The following LPAR6 variants were observed in gnomAD, a reference collection of about 807,000 sequenced individuals.
LPAR6 encodes the protein G-protein coupled purinergic receptor P2Y5.
LPAR6 carries 17 observed loss-of-function variants against 22.0 expected under a neutral mutation model. The observed-to-expected ratio is 0.77, with a 90% CI of 0.53 to 1.16. The LOEUF (loss-of-function observed/expected upper bound fraction) is 1.16. Among genes scored for constraint, LPAR6 ranks in the 50% most tolerant of loss-of-function variants. The pLI is 0.00. For missense variants in LPAR6, 384 were observed against 406.9 expected (o/e 0.94, Z 0.48); for synonymous variants, 136 against 139.8 (o/e 0.97, Z 0.19).
chr13:48,412,148 A>C lies in LPAR6; in HGVS notation c.276T>G (p.Ser92=). 7 of 1,614,014 alleles carry C rather than the reference A, an allele frequency of 4.3e-6. No individual in the cohort carries two copies. The highest frequency in any genetic ancestry group is 5.9e-6 in the Non-Finnish European group (7 of 1,179,976). Residue 92 remains serine (S), a synonymous_variant, in exon 1 of 1, where the codon TCT becomes TCG. Transcript: ENST00000620633. ...ACATGTTGGTATAAAACAGCATCAC[A>C]GAAATCTTACAAAGTAAATCTCCAA... ...WPFGDLLCKI[S]VMLFYTNMYG...
intron 1 of LPAR6, chr13:48,401,286 T>G (rs1164074974): frequency 6.6e-6 from 1 of 152,128 alleles, no homozygotes; most frequent in African/African-American, 2.4e-5. Flanking sequence ...AATTTTCAGT[T>G]TGTAAACTTA....
At chr13:48,395,946 T>A (rs1028105192) in intron 1 of LPAR6, among the ~76,000 whole-genome samples, 10 of 151,952 alleles carry the variant, frequency 6.6e-5, no homozygotes, top group Non-Finnish European at 1.5e-5. Context: ...TCACCAAGGT[T>A]GAAATGAAGG....
downstream of LPAR6, among the ~76,000 whole-genome samples, chr13:48,410,637 A>G (rs1948785880): frequency 6.6e-6 from 1 of 152,154 alleles, no homozygotes; most frequent in South Asian, 2.1e-4. Flanking sequence ...CTAAGTAAAA[A>G]CTTAGCAAAA....
rs757425975 is a variant in LPAR6 at position 48,411,661 on chromosome 13, C to A, written c.763G>T (p.Val255Leu). The A allele has an allele frequency of 1.2e-6, 2 of 1,610,744 alleles. No homozygotes were observed. Among genetic ancestry groups the A allele is most frequent in the African/African-American group, 2.7e-5 (2 of 74,758 alleles). ...CAATTAACAAATGTTTGTGTTCTCA[C>A]AAGAGAATATAAAATAAGATTGATA... ...YNINLILYSL[V>L]RTQTFVNCSV... is the part of the protein sequence containing the mutation. Residue 255 changes from valine (V) to leucine (L), a missense_variant, in exon 1 of 1, where the codon GTG (valine) becomes TTG (leucine). Val to Leu is a conservative substitution (Grantham distance 32). Coordinates refer to ENST00000620633, the MANE Select transcript of LPAR6 (RefSeq NM_001162498.3).
chr13:48,393,400 C>T (rs1948625369), intron 1 of LPAR6, among the ~76,000 whole-genome samples: 1 of 152,192 alleles, frequency 6.6e-6, no homozygotes, highest in Admixed American at 6.5e-5. Context: ...CATAAACTGT[C>T]CCCAGGCAGT....
At chr13:48,400,354 A>G (rs1948681286) in intron 1 of LPAR6, among the ~76,000 whole-genome samples, 1 of 152,148 alleles carries the variant, frequency 6.6e-6, no homozygotes, top group Admixed American at 6.6e-5. Flanking sequence ...TGTGTCCACA[A>G]AACTGGTTGG....
chr13:48,423,134 A>G (rs1010814459), intron 1 of LPAR6, among the ~76,000 whole-genome samples: 3 of 151,348 alleles, frequency 2.0e-5, no homozygotes, highest in Non-Finnish European at 1.5e-5. Flanking sequence ...GTTCTCAAAT[A>G]AATAAGTAAA....
At chr13:48,439,813 C>A (rs369733905) in intron 1 of LPAR6, 21 of 151,972 alleles carry the variant, frequency 1.4e-4, no homozygotes, top group East Asian at 9.6e-4. Context: ...CTTTTTGAAC[C>A]TAAGAAGACA....
chr13:48,414,340 C>G (rs1948871666), upstream of LPAR6, among the ~76,000 whole-genome samples: 1 of 140,594 alleles, frequency 7.1e-6, no homozygotes. Flanking sequence ...GCGAGACTAT[C>G]TCAAAAAAAA....
intron 1 of LPAR6, among the ~76,000 whole-genome samples, chr13:48,438,793 T>C (rs1452619702): frequency 6.6e-6 from 1 of 152,246 alleles, no homozygotes; most frequent in Non-Finnish European, 1.5e-5. Context: ...TGTCTGGCAT[T>C]CAATAAATGT....
intron 1 of LPAR6, among the ~76,000 whole-genome samples, chr13:48,436,181 G>A (rs1056483933): frequency 4.6e-5 from 7 of 152,186 alleles, no homozygotes; most frequent in Non-Finnish European, 7.3e-5. Flanking sequence ...CTCATAGCTG[G>A]TTGGTGATGA....
chr13:48,396,166 C>G (rs375677101), intron 1 of LPAR6, among the ~76,000 whole-genome samples: 11 of 152,130 alleles, frequency 7.2e-5, no homozygotes, highest in African/African-American at 2.7e-4. Context: ...TATATAGAAC[C>G]TAAAAAGAGC....
chr13:48,419,319 A>C (rs1390438092), intron 2 of LPAR6, among the ~76,000 whole-genome samples: 1 of 152,232 alleles, frequency 6.6e-6, no homozygotes, highest in Non-Finnish European at 1.5e-5. Flanking sequence ...GCAGAAACAA[A>C]GAAGTTCTTT....
chr13:48,439,665 G>C (rs1364124918), intron 1 of LPAR6: 1 of 152,148 alleles, frequency 6.6e-6, no homozygotes, highest in African/African-American at 2.4e-5. Flanking sequence ...TCTTCTGTCA[G>C]CTATTGAATG....
downstream of LPAR6, among the ~76,000 whole-genome samples, chr13:48,410,781 G>A (rs1948787591): frequency 6.6e-6 from 1 of 152,026 alleles, no homozygotes; most frequent in African/African-American, 2.4e-5. Flanking sequence ...TCTACAAATT[G>A]CCTACACAGA....
chr13:48,414,993 A>AT (rs34952137), upstream of LPAR6, among the ~76,000 whole-genome samples: 47 of 150,048 alleles, frequency 3.1e-4, no homozygotes, highest in Admixed American at 1.4e-3. Flanking sequence ...TCTTACTGTT[A>AT]TTTTTTTTTT....
intron 2 of LPAR6, among the ~76,000 whole-genome samples, chr13:48,418,479 T>A (rs950638883): frequency 3.9e-5 from 6 of 152,162 alleles, no homozygotes; most frequent in African/African-American, 1.4e-4. Flanking sequence ...GGGCATCAAC[T>A]AATGGGCAAA....
At chr13:48,393,906 C>T (rs1455179741) in intron 1 of LPAR6, among the ~76,000 whole-genome samples, 2 of 152,192 alleles carry the variant, frequency 1.3e-5, no homozygotes, top group Non-Finnish European at 2.9e-5. Flanking sequence ...CATTCAGTTA[C>T]ACAAGTACTT....
chr13:48,421,124 C>G (rs111782262), intron 2 of LPAR6, among the ~76,000 whole-genome samples: 5 of 152,326 alleles, frequency 3.3e-5, no homozygotes, highest in Middle Eastern at 6.8e-3. Flanking sequence ...TGCTACCTGA[C>G]TTCAAACTAT....
Sources: gnomAD v4.1 joint callset for allele counts (sites outside exome capture counted in the v4.1 genomes callset) on GRCh38, gnomAD v4.1.1 for gene constraint, MANE v1.5 for transcripts, NCBI Gene and HGNC (gene_info 2026-07-23, HGNC 2026-07-21) for gene names.